The following PLAC1 variants were observed in gnomAD, a reference collection of about 807,000 sequenced individuals.
PLAC1 encodes the protein placenta associated 1.
For synonymous variants in PLAC1, 68 were observed against 62.1 expected (o/e 1.09, Z -0.44); for missense variants, 136 against 163.2 (o/e 0.83, Z 0.91).
chrX:134,669,081 T>C (rs1355386630), intron 2 of PLAC1, among the ~76,000 whole-genome samples: 1 of 112,037 alleles, frequency 8.9e-6, no homozygotes, highest in East Asian at 2.8e-4. Context: ...TGAATACCCA[T>C]CCACAAGGGC....
intron 2 of PLAC1, among the ~76,000 whole-genome samples, chrX:134,676,230 T>G (rs375887371): frequency 1.8e-4 from 20 of 111,500 alleles, no homozygotes; most frequent in Middle Eastern, 4.6e-3. Context: ...AACTGAGGCA[T>G]GTCATCTGGC....
At chrX:134,753,209 CT>C (rs1448756639) in intron 1 of PLAC1, among the ~76,000 whole-genome samples, 2 of 111,668 alleles carry the variant, frequency 1.8e-5, no homozygotes, top group Non-Finnish European at 3.8e-5. Flanking sequence ...AGCCTGCAAG[CT>C]TATGAAACAG....
chrX:134,581,731 G>C (rs1005753370), intron 2 of PLAC1, among the ~76,000 whole-genome samples: 1 of 110,377 alleles, frequency 9.1e-6, no homozygotes, highest in Admixed American at 9.6e-5. Context: ...CACCCGCCTC[G>C]GCCTCCCAAA....
rs1051590804 is a variant in PLAC1 at position 134,570,584 on chromosome X, C to T, written c.-58-3844G>A. ...GTATCACTGTAGCCCCATTTTGACT[C>T]GATTGCAAATTAGCCTTGCAACATG... On this transcript the variant is annotated intron_variant, in intron 2 of 2. Transcript: ENST00000359237. Among the ~76,000 whole-genome samples, 32 of 111,407 alleles carry T rather than the reference C, an allele frequency of 2.9e-4. No homozygotes were observed. In the Admixed American group the frequency reaches 3.0e-3, roughly 10 times the overall value.
At chrX:134,599,465 A>G (rs1357089015) in intron 2 of PLAC1, 2 of 111,618 alleles carry the variant, frequency 1.8e-5, no homozygotes, top group East Asian at 5.6e-4. Context: ...GAAGAAAGAC[A>G]TGTTTGCTTC....
At chrX:134,725,361 G>A (rs1291574713) in intron 2 of PLAC1, among the ~76,000 whole-genome samples, 2 of 110,853 alleles carry the variant, frequency 1.8e-5, no homozygotes, top group East Asian at 2.8e-4. Flanking sequence ...TATATAGTGG[G>A]AGAGCTAGGC....
chrX:134,652,034 C>T (rs180933929), intron 1 of PLAC1, among the ~76,000 whole-genome samples: 3 of 111,637 alleles, frequency 2.7e-5, no homozygotes, highest in East Asian at 5.6e-4. Context: ...TACCTTTTAT[C>T]CCTGTGTGTC....
intron 1 of PLAC1, among the ~76,000 whole-genome samples, chrX:134,749,177 C>G (rs959295787): frequency 1.8e-5 from 2 of 111,719 alleles, no homozygotes; most frequent in African/African-American, 6.5e-5. Context: ...ATTAGGCGGG[C>G]TTGGTGGTGC....
rs185420617 is a variant in PLAC1, at chrX:134,697,791, C to T, written n.174+35644G>A. The stretch of plus-strand genomic sequence containing the variant: ...GCTGAGACAGGAGAATTGCTTGAAC[C>T]GGGGCAGCAGAGGTTGCAGTGAGCA... On this transcript the variant is annotated intron_variant and non_coding_transcript_variant, in intron 2 of 2. Coordinates refer to the PLAC1 transcript ENST00000466797. Among the ~76,000 whole-genome samples, 188 of 111,703 alleles carry T rather than the reference C, an allele frequency of 1.7e-3. 2 individuals are homozygous for T. The highest frequency in any genetic ancestry group is 5.7e-3 in the African/African-American group (174 of 30,737).
chrX:134,602,792 TA>T (rs1186118671), intron 1 of PLAC1, among the ~76,000 whole-genome samples: 1 of 109,611 alleles, frequency 9.1e-6, no homozygotes, highest in Non-Finnish European at 1.9e-5. Context: ...CAGATCAGTG[TA>T]GGGGGTAAAG....
intron 2 of PLAC1, among the ~76,000 whole-genome samples, chrX:134,728,769 CT>C (rs200425716): frequency 0.032 from 3,532 of 111,905 alleles, 44 homozygotes; most frequent in South Asian, 0.045. Flanking sequence ...TTGTAACTCC[CT>C]TTTTTCCTAT....
rs187178525 is a variant in PLAC1, at chrX:134,592,886, C to T, written c.-59+9165G>A. ...GACTACAGGTGCCCGCCACCACGCC[C>T]GGCTAATTTTTTGTATTTTTTAGTA... On this transcript the variant is annotated intron_variant, in intron 2 of 2. Transcript: ENST00000359237. 2.1e-4 allele frequency among the ~76,000 whole-genome samples: 23 copies of T among 109,295 alleles called. No individual in the cohort carries two copies. In the East Asian group the frequency reaches 5.8e-3, roughly 27 times the overall value. The allele number at this position is 109,295 out of a possible 115,157, so 94.9% of individuals were successfully genotyped here. A position where few individuals can be genotyped will look rare whatever the true frequency, so the allele number is the denominator to read the frequency against.
intron 1 of PLAC1, chrX:134,604,466 T>C (rs912650037): frequency 1.8e-5 from 2 of 112,027 alleles, no homozygotes; most frequent in African/African-American, 6.5e-5. Context: ...CTCATCAGCC[T>C]TTCATCTCTA....
At chrX:134,715,527 C>T (rs901228139) in intron 2 of PLAC1, among the ~76,000 whole-genome samples, 1 of 108,359 alleles carries the variant, frequency 9.2e-6, no homozygotes. Context: ...GAGAGCATTA[C>T]TGAGATGCTG....
At chrX:134,725,505 G>A (rs1453172509) in intron 2 of PLAC1, among the ~76,000 whole-genome samples, 1 of 111,808 alleles carries the variant, frequency 8.9e-6, no homozygotes, top group East Asian at 2.8e-4. Context: ...CTAGAATGGG[G>A]CCCAAGAATT....
chrX:134,659,214 A>T (rs1010532296), upstream of PLAC1, among the ~76,000 whole-genome samples: 6 of 108,527 alleles, frequency 5.5e-5, no homozygotes, highest in South Asian at 4.0e-4. Context: ...CTTAAAATTT[A>T]AAAAAAAAAG....
intron 2 of PLAC1, among the ~76,000 whole-genome samples, chrX:134,570,691 G>A (rs1282456691): frequency 8.9e-6 from 1 of 112,066 alleles, no homozygotes; most frequent in Non-Finnish European, 1.9e-5. Context: ...CTGAGCTATA[G>A]AGAGGTCAGG....
At chrX:134,614,899 C>T (rs2078172445) in intron 1 of PLAC1, among the ~76,000 whole-genome samples, 1 of 111,360 alleles carries the variant, frequency 9.0e-6, no homozygotes, top group African/African-American at 3.3e-5. Context: ...TATCCTCCTG[C>T]CTCGGCCTCC....
At chrX:134,712,633 T>C (rs142953726) in intron 2 of PLAC1, among the ~76,000 whole-genome samples, 3,587 of 111,430 alleles carry the variant, frequency 0.032, 142 homozygotes, top group African/African-American at 0.11. Context: ...TCTACATTAC[T>C]GACAATTAGA....
Sources: allele counts gnomAD v4.1 joint callset (sites outside exome capture counted in the v4.1 genomes callset), GRCh38; gene constraint gnomAD v4.1.1; transcripts MANE v1.5; gene names NCBI Gene and HGNC (gene_info 2026-07-23, HGNC 2026-07-21).